Variants in SLC2A14 observed in about 807,000 individuals in gnomAD.
SLC2A14 encodes solute carrier family 2 member 14.
A neutral mutation model predicts 43.0 loss-of-function variants in SLC2A14; 13 were observed. The observed-to-expected ratio is 0.30, with a 90% CI of 0.20 to 0.48. The LOEUF (loss-of-function observed/expected upper bound fraction) is 0.48. Ranked by LOEUF, SLC2A14 falls within the 20% of genes least tolerant of loss-of-function variation. The probability of loss-of-function intolerance (pLI) is 0.99; values close to 1 mark genes in which losing one functional copy is unlikely to be tolerated. For missense variants in SLC2A14, 428 were observed against 620.4 expected, an observed-to-expected ratio of 0.69 and a Z score of 3.29; for synonymous variants, 190 against 233.8, an observed-to-expected ratio of 0.81 and a Z score of 1.71.
chr12:7,879,178 C>T (rs1309618743), intron 1 of SLC2A14, among the ~76,000 whole-genome samples: 8 of 151,396 alleles, frequency 5.3e-5, no homozygotes, highest in Non-Finnish European at 4.4e-5. Context: ...TACCACATTC[C>T]GGGCCTTAGC....
At position 7,886,151 on chromosome 12, in the gene SLC2A14, C is replaced by CTTTTTTTTTTTTTTTTTT. The variant is rs3044922; in HGVS notation, c.132+4827_132+4844dup. ...GGCATGTACCACCACGCCCGGACAG[C>CTTTTTTTTTTTTTTTTTT]TTTTTTTTTTTTTTTTTTTTTTTTT... On this transcript the variant is annotated intron_variant, in intron 1 of 9. Coordinates refer to the SLC2A14 transcript ENST00000539924. Among the ~76,000 whole-genome samples, 15 of 44,728 alleles carry CTTTTTTTTTTTTTTTTTT rather than the reference C, an allele frequency of 3.4e-4. 1 individual carries two copies. The highest frequency in any genetic ancestry group is 3.5e-4 in the African/African-American group (4 of 11,272). 29.3% of individuals were successfully genotyped at this position (44,728 alleles called of 152,430 possible). A position where few individuals can be genotyped will look rare whatever the true frequency, so the allele number is the denominator to read the frequency against.
rs1864607832 is a variant in SLC2A14 at position 7,827,591 on chromosome 12, G to C, written c.768C>G (p.Val256=). 6.2e-7 allele frequency: 1 copy of C among 1,613,090 alleles called. No individual in the cohort carries two copies. Among genetic ancestry groups the C allele is most frequent in the African/African-American group, 1.3e-5 (1 of 74,574 alleles). The part of the protein sequence containing the change: ...ESARMSQEKQ[V]TVLELFRVSS... ...ACACTCTAAAGAGCTCCAGCACGGT[G>C]ACTTGCTTTTCTTGTGACATCCTTG... Residue 256 remains valine (V), a synonymous_variant, in exon 7 of 11, where the codon GTC becomes GTG. Transcript: ENST00000431042.
chr12:7,863,346 A>G (rs1019321076), intron 2 of SLC2A14: 50 of 452,700 alleles, frequency 1.1e-4, no homozygotes, highest in Admixed American at 2.6e-4. Flanking sequence ...CAGACGCACC[A>G]CTTTAAGGGC....
intron 7 of SLC2A14, among the ~76,000 whole-genome samples, chr12:7,821,809 AT>A (rs1863931808): frequency 7.0e-6 from 1 of 142,846 alleles, no homozygotes; most frequent in South Asian, 2.2e-4. Flanking sequence ...CGCCCAGCTA[AT>A]TTTTGTATTT....
At chr12:7,874,884 ATT>A (rs1255997712), upstream of SLC2A14, among the ~76,000 whole-genome samples, 2 of 114,100 alleles carry the variant, frequency 1.8e-5, no homozygotes, top group Non-Finnish European at 3.3e-5. Flanking sequence ...ATAAATATAT[ATT>A]TATATAAAAA....
chr12:7,853,595 G>A (rs901667596), intron 2 of SLC2A14, among the ~76,000 whole-genome samples: 2 of 152,044 alleles, frequency 1.3e-5, no homozygotes, highest in African/African-American at 2.4e-5. Context: ...GCAAGATGCT[G>A]TCTCAAGAAA....
chr12:7,881,104 G>T (rs993298128), intron 1 of SLC2A14, among the ~76,000 whole-genome samples: 19 of 152,144 alleles, frequency 1.2e-4, no homozygotes, highest in African/African-American at 4.8e-5. Context: ...GCACTGAGAG[G>T]TGACAGCGTG....
At chr12:7,862,314 C>G (rs371358380) in intron 2 of SLC2A14, among the ~76,000 whole-genome samples, 1 of 150,010 alleles carries the variant, frequency 6.7e-6, no homozygotes, top group Admixed American at 6.7e-5. Flanking sequence ...CATGCGGTGG[C>G]ACATGTCTGT....
Position 7,865,358 on chromosome 12 carries a change from G to A in SLC2A14, c.18+4505C>T, listed in dbSNP as rs60394956. Among the ~76,000 whole-genome samples the A allele has an allele frequency of 4.8e-3, 722 of 151,914 alleles. 41 individuals are homozygous for A. In the East Asian group the frequency reaches 0.12, roughly 25 times the overall value. On this transcript the variant is annotated intron_variant, in intron 2 of 10. Transcript: ENST00000431042. The stretch of plus-strand genomic sequence containing the variant: ...CGAGACCATCCTGGCTAACATGGTG[G>A]AACCCCATCTCTACTAAAAACACAA...
At chr12:7,850,167 G>T (rs1866810041) in intron 2 of SLC2A14, among the ~76,000 whole-genome samples, 1 of 152,026 alleles carries the variant, frequency 6.6e-6, no homozygotes, top group Non-Finnish European at 1.5e-5. Flanking sequence ...GATTAGACAA[G>T]AGCATTTCAG....
In SLC2A14 at chr12:7,886,025, C is replaced by T. The variant is rs759055442; in HGVS notation, c.132+4971G>A. Among the ~76,000 whole-genome samples the T allele has an allele frequency of 2.0e-5, 3 of 150,868 alleles. No individual in the cohort carries two copies. The South Asian group carries it at 6.2e-4, about 31-fold the overall frequency. On this transcript the variant is annotated intron_variant, in intron 1 of 9. Coordinates refer to the SLC2A14 transcript ENST00000539924. The stretch of plus-strand genomic sequence containing the variant: ...TTTGAGATGGAGTCTCACTCTGTCG[C>T]TCAGGCTGGAGTGCAGTGGTGCGAT...
At chr12:7,842,872 C>G (rs1050436447) in intron 2 of SLC2A14, among the ~76,000 whole-genome samples, 2 of 151,814 alleles carry the variant, frequency 1.3e-5, no homozygotes, top group African/African-American at 2.4e-5. Flanking sequence ...GTGATTACAG[C>G]CATGTGCCAC....
chr12:7,819,411 T>G, intron 9 of SLC2A14, 71 bp downstream of exon 9: 1 of 1,561,768 alleles, frequency 6.4e-7, no homozygotes, highest in South Asian at 1.2e-5. Context: ...AACCCACCCC[T>G]TGTGTCACAG....
intron 3 of SLC2A14, 92 bp downstream of exon 3, chr12:7,832,630 C>T (rs1458250692): frequency 1.4e-6 from 2 of 1,436,388 alleles, no homozygotes; most frequent in African/African-American, 1.4e-5. Context: ...CAGGTGCCAC[C>T]ATGCCTGGCC....
At chr12:7,883,219 T>C (rs2377234) in intron 1 of SLC2A14, among the ~76,000 whole-genome samples, 149,192 of 150,298 alleles carry the variant, frequency 0.99, 74,062 homozygotes, top group East Asian at 1. Context: ...CAAAAAACAA[T>C]CCAAAACCAA....
intron 1 of SLC2A14, among the ~76,000 whole-genome samples, chr12:7,886,151 CTTTT>C (rs3044922): frequency 1.1e-4 from 5 of 44,692 alleles, no homozygotes; most frequent in East Asian, 7.2e-4. Context: ...GCCCGGACAG[CTTTT>C]TTTTTTTTTT....
intron 2 of SLC2A14, among the ~76,000 whole-genome samples, chr12:7,865,407 C>G (rs1944854706): frequency 6.6e-6 from 1 of 151,916 alleles, no homozygotes; most frequent in Non-Finnish European, 1.5e-5. Context: ...CGTGGTGGCA[C>G]ATGCCTGTAG....
chr12:7,871,952 A>C, intron 1 of SLC2A14: 1 of 978,216 alleles, frequency 1.0e-6, no homozygotes, highest in Admixed American at 6.2e-5. Flanking sequence ...TAGAGGGCTG[A>C]GCATGGAAAA....
intron 7 of SLC2A14, among the ~76,000 whole-genome samples, chr12:7,821,756 C>T (rs926718252): frequency 1.3e-5 from 2 of 151,924 alleles, no homozygotes; most frequent in African/African-American, 4.8e-5. Context: ...AATCTGTCAC[C>T]CAGGCTGGAG....
Sources: allele counts gnomAD v4.1 joint callset (sites outside exome capture counted in the v4.1 genomes callset), GRCh38; gene constraint gnomAD v4.1.1; transcripts MANE v1.5; gene names NCBI Gene and HGNC (gene_info 2026-07-23, HGNC 2026-07-21).